GFOD1: variants seen among roughly 807,000 people sequenced by gnomAD.
The protein encoded by GFOD1 is Gfo/Idh/MocA-like oxidoreductase domain containing 1, also known as glucose-fructose oxidoreductase domain-containing protein 1.
Under a neutral mutation model 25.4 loss-of-function variants are expected in GFOD1, and 9 were observed. That is an observed-to-expected ratio of 0.35 (90% confidence interval 0.21 to 0.62). The LOEUF (loss-of-function observed/expected upper bound fraction) is 0.62. Among genes scored for constraint, GFOD1 ranks in the 20% least tolerant of loss-of-function variants. The pLI is 0.72. For missense variants in GFOD1, 403 were observed against 556.9 expected, an observed-to-expected ratio of 0.72 and a Z score of 2.78; for synonymous variants, 253 against 245.6, an observed-to-expected ratio of 1.03 and a Z score of -0.28.
Position 13,360,404 on chromosome 6 carries a change from T to A in GFOD1, c.*4339A>T. 3 of 315,948 alleles carry A rather than the reference T, an allele frequency of 9.5e-6. No homozygotes were observed. The highest frequency in any genetic ancestry group is 1.9e-5 in the Non-Finnish European group (3 of 159,364). 19.6% of individuals were successfully genotyped at this position (315,948 alleles called of 1,614,324 possible). On this transcript the variant is annotated 3_prime_UTR_variant, in exon 2 of 2. Coordinates refer to ENST00000379287, the MANE Select transcript of GFOD1 (RefSeq NM_018988.4). Reference sequence around the variant, plus strand: ...TGAGACAAGATGAAGAGAGTAGGGGTGCAAAGAAAGGTGCAGTGCACAGCT... The same window carrying A: ...TGAGACAAGATGAAGAGAGTAGGGGAGCAAAGAAAGGTGCAGTGCACAGCT...
intron 1 of GFOD1, among the ~76,000 whole-genome samples, chr6:13,439,395 G>A (rs1245926166): frequency 6.6e-6 from 1 of 152,210 alleles, no homozygotes; most frequent in Non-Finnish European, 1.5e-5. Flanking sequence ...GTATCTGACT[G>A]TCTCTGTCAA....
chr6:13,390,812 G>A (rs568885081), intron 1 of GFOD1, among the ~76,000 whole-genome samples: 16 of 147,474 alleles, frequency 1.1e-4, no homozygotes, highest in South Asian at 6.4e-4. Context: ...AGGAAGGAAG[G>A]AAGGAAGGAA....
rs1342328602 is a variant in GFOD1 at position 13,358,921 on chromosome 6, G to A, written c.*5822C>T. 2 of 152,342 alleles carry A rather than the reference G, an allele frequency of 1.3e-5. No homozygotes were observed. The highest frequency in any genetic ancestry group is 4.8e-5 in the African/African-American group (2 of 41,462). 9.4% of individuals were successfully genotyped at this position (152,342 alleles called of 1,614,324 possible). A position where few individuals can be genotyped will look rare whatever the true frequency, so the allele number is the denominator to read the frequency against. ...TGCAACACTTTGGGAGGCTGAATGAGAGCCACAGTTTCGGTGGCCCCCTCA... is the reference window on the plus strand; with the variant it reads ...TGCAACACTTTGGGAGGCTGAATGAAAGCCACAGTTTCGGTGGCCCCCTCA... On this transcript the variant is annotated 3_prime_UTR_variant, in exon 2 of 2. Transcript: ENST00000379287.
At chr6:13,386,173 T>A (rs1482927919) in intron 1 of GFOD1, among the ~76,000 whole-genome samples, 2 of 142,280 alleles carry the variant, frequency 1.4e-5, no homozygotes, top group African/African-American at 5.0e-5. Flanking sequence ...GCGATTCTCC[T>A]GCCTCCGCTT....
chr6:13,379,532 A>C (rs1785318000), intron 1 of GFOD1, among the ~76,000 whole-genome samples: 1 of 152,098 alleles, frequency 6.6e-6, no homozygotes, highest in Admixed American at 6.5e-5. Flanking sequence ...CACCAGCACC[A>C]CTGCAAGCAA....
In GFOD1 at chr6:13,477,214, G is replaced by GTGTGT. The variant is rs1554206424; in HGVS notation, c.253+9423_253+9424insACACA. On this transcript the variant is annotated intron_variant, in intron 1 of 1. Transcript: ENST00000379287. ...TTCACCAGAGAAACAGAACCAATAG[G>GTGTGT]GGGTGTGTGTGTGTGTGTGTGTGTG... Among the ~76,000 whole-genome samples the GTGTGT allele has an allele frequency of 1.0e-3, 8 of 7,684 alleles. No individual in the cohort carries two copies. The Admixed American group carries it at 0.019, about 19-fold the overall frequency. 5.0% of individuals were successfully genotyped at this position (7,684 alleles called of 152,430 possible).
chr6:13,428,510 G>A (rs964405143), intron 1 of GFOD1, among the ~76,000 whole-genome samples: 1 of 24,262 alleles, frequency 4.1e-5, no homozygotes, highest in African/African-American at 6.2e-5. Context: ...CCCCCAGTGC[G>A]ATGCGATGCG....
At chr6:13,441,686 T>C (rs951536673) in intron 1 of GFOD1, among the ~76,000 whole-genome samples, 4 of 152,172 alleles carry the variant, frequency 2.6e-5, no homozygotes, top group Non-Finnish European at 5.9e-5. Flanking sequence ...CATAGACTAA[T>C]TGATATAAAC....
At chr6:13,436,881 A>C (rs1174689659) in intron 1 of GFOD1, among the ~76,000 whole-genome samples, 1 of 152,208 alleles carries the variant, frequency 6.6e-6, no homozygotes, top group Non-Finnish European at 1.5e-5. Flanking sequence ...TTTATGTGAC[A>C]TTCTATCAAA....
chr6:13,426,531 T>C (rs1786356178), intron 1 of GFOD1, among the ~76,000 whole-genome samples: 1 of 152,170 alleles, frequency 6.6e-6, no homozygotes, highest in Admixed American at 6.5e-5. Flanking sequence ...AGGATCCCAC[T>C]TCCATTGCCT....
intron 1 of GFOD1, among the ~76,000 whole-genome samples, chr6:13,414,331 C>T (rs1029314161): frequency 1.6e-4 from 24 of 152,320 alleles, no homozygotes; most frequent in Middle Eastern, 3.4e-3. Flanking sequence ...AGGCTTGTGA[C>T]GCAGGTCTGT....
intron 1 of GFOD1, among the ~76,000 whole-genome samples, chr6:13,477,931 G>A (rs923651535): frequency 2.6e-5 from 4 of 151,890 alleles, no homozygotes; most frequent in Non-Finnish European, 5.9e-5. Context: ...AGGCGTGGTC[G>A]CAAATGCCTG....
intron 1 of GFOD1, among the ~76,000 whole-genome samples, chr6:13,412,828 C>T (rs781510452): frequency 3.3e-5 from 5 of 152,180 alleles, no homozygotes; most frequent in African/African-American, 4.8e-5. Context: ...AGTGTAGTGA[C>T]GGGGTGGAGA....
At chr6:13,427,518 G>A (rs1421812497) in intron 1 of GFOD1, among the ~76,000 whole-genome samples, 2 of 152,022 alleles carry the variant, frequency 1.3e-5, no homozygotes, top group South Asian at 4.1e-4. Flanking sequence ...CGGCATGGTG[G>A]TGTGCACCTC....
chr6:13,371,961 GTC>G (rs1785162927), intron 1 of GFOD1, among the ~76,000 whole-genome samples: 2 of 152,364 alleles, frequency 1.3e-5, no homozygotes, highest in Admixed American at 1.3e-4. Context: ...ACTGGCCTGA[GTC>G]TTCTGGGGAG....
In GFOD1 at chr6:13,421,268, G is replaced by A. The variant is rs557426045; in HGVS notation, c.254-55606C>T. ...TTTGGGAGGTGGAGGCAGCCAGATC[G>A]CTTGAGCCCAGGAGTTTGAGACCAG... On this transcript the variant is annotated intron_variant, in intron 1 of 1. Transcript: ENST00000379287. Among the ~76,000 whole-genome samples, 33 of 152,202 alleles carry A rather than the reference G, an allele frequency of 2.2e-4. 1 individual carries two copies. Among genetic ancestry groups the A allele is most frequent in the African/African-American group, 6.3e-4 (26 of 41,514 alleles).
At chr6:13,390,397 C>T (rs1275666560) in intron 1 of GFOD1, among the ~76,000 whole-genome samples, 1 of 151,810 alleles carries the variant, frequency 6.6e-6, no homozygotes, top group Non-Finnish European at 1.5e-5. Context: ...TCGAGACCTG[C>T]CTGGGCAACA....
At chr6:13,428,101 C>A (rs960638602) in intron 1 of GFOD1, among the ~76,000 whole-genome samples, 2 of 152,212 alleles carry the variant, frequency 1.3e-5, no homozygotes, top group African/African-American at 2.4e-5. Flanking sequence ...GCATCCTGGG[C>A]ACCACAGAGA....
rs1028784511 is a variant in GFOD1, at chr6:13,486,075, A to G, written c.253+563T>C. On this transcript the variant is annotated intron_variant, in intron 1 of 1. Transcript: ENST00000379287. ...CTGCAATCTCACGCTAAACTAACTC[A>G]CAGCAGAAAGAAACAAACGACCCTA... 6.2e-6 allele frequency: 6 copies of G among 964,292 alleles called. No homozygotes were observed. The African/African-American group carries it at 8.8e-5, about 14-fold the overall frequency. 59.7% of individuals were successfully genotyped at this position (964,292 alleles called of 1,614,324 possible).
Sources: allele counts gnomAD v4.1 joint callset (sites outside exome capture counted in the v4.1 genomes callset), GRCh38; gene constraint gnomAD v4.1.1; transcripts MANE v1.5; gene names NCBI Gene and HGNC (gene_info 2026-07-23, HGNC 2026-07-21).